The following FSTL5 variants were observed in gnomAD, a reference collection of about 807,000 sequenced individuals.
The protein encoded by FSTL5 is follistatin like 5.
Under a neutral mutation model 89.1 loss-of-function variants are expected in FSTL5, and 62 were observed. The observed-to-expected ratio is 0.70, with a 90% CI of 0.57 to 0.86. The LOEUF is 0.86. Among genes scored for constraint, FSTL5 ranks in the 40% least tolerant of loss-of-function variants. The pLI is 0.00. For synonymous variants in FSTL5, 383 were observed against 346.2 expected, an observed-to-expected ratio of 1.11 and a Z score of -1.18; for missense variants, 1,057 against 1,001.6, an observed-to-expected ratio of 1.06 and a Z score of -0.75.
chr4:161,877,963 T>A (rs892497199), intron 4 of FSTL5, among the ~76,000 whole-genome samples: 1 of 145,948 alleles, frequency 6.9e-6, no homozygotes, highest in Non-Finnish European at 1.5e-5. Flanking sequence ...ACCAATATTC[T>A]GTTTTTTAGG....
At chr4:162,124,844 C>T (rs542458748) in intron 1 of FSTL5, among the ~76,000 whole-genome samples, 63 of 152,260 alleles carry the variant, frequency 4.1e-4, no homozygotes, top group Admixed American at 7.2e-4. Flanking sequence ...GGACTACAGG[C>T]GCCCGCCACC....
At position 162,000,614 on chromosome 4, in the gene FSTL5, AAAC is replaced by A. The variant is rs1050828857; in HGVS notation, c.160+33008_160+33010del. Among the ~76,000 whole-genome samples the A allele has an allele frequency of 2.1e-3, 323 of 151,870 alleles. 1 individual carries two copies. The highest frequency in any genetic ancestry group is 7.3e-3 in the African/African-American group (302 of 41,408). ...CTCAGTCTAAAAAAAAAAAAAACAA[AAAC>A]AACAACAACAACAAAATATATATAC... is the stretch of plus-strand genomic sequence containing the variant. On this transcript the variant is annotated intron_variant, in intron 3 of 15. Transcript: ENST00000306100.
chr4:162,064,546 T>C (rs1738826595), intron 2 of FSTL5, among the ~76,000 whole-genome samples: 1 of 152,046 alleles, frequency 6.6e-6, no homozygotes, highest in Non-Finnish European at 1.5e-5. Context: ...ATATTGGTCT[T>C]TTCCTGCCTT....
chr4:162,041,464 T>C (rs913224704), intron 2 of FSTL5, among the ~76,000 whole-genome samples: 33 of 152,118 alleles, frequency 2.2e-4, no homozygotes, highest in Non-Finnish European at 4.1e-4. Context: ...TCATTAGATT[T>C]ATTAGTAGCC....
chr4:161,887,081 A>C (rs1732830278), intron 4 of FSTL5, among the ~76,000 whole-genome samples: 1 of 152,148 alleles, frequency 6.6e-6, no homozygotes. Context: ...TGTGTAACAA[A>C]TTCTCAAATC....
intron 3 of FSTL5, among the ~76,000 whole-genome samples, chr4:162,029,722 T>A (rs1737444730): frequency 6.6e-6 from 1 of 152,094 alleles, no homozygotes; most frequent in East Asian, 1.9e-4. Flanking sequence ...TCAATATTTG[T>A]AACCACAAGA....
intron 3 of FSTL5, among the ~76,000 whole-genome samples, chr4:161,970,874 T>C (rs989020974): frequency 6.6e-6 from 1 of 152,106 alleles, no homozygotes; most frequent in Non-Finnish European, 1.5e-5. Flanking sequence ...CTGTATCAGT[T>C]ATATTTGAAC....
intron 6 of FSTL5, among the ~76,000 whole-genome samples, chr4:161,669,395 C>T (rs747849904): frequency 7.9e-5 from 12 of 152,062 alleles, no homozygotes; most frequent in Admixed American, 1.3e-4. Context: ...TCAAGAGTTG[C>T]TACAAAGCTA....
At chr4:161,843,716 G>A (rs1265579999) in intron 4 of FSTL5, among the ~76,000 whole-genome samples, 3 of 152,150 alleles carry the variant, frequency 2.0e-5, no homozygotes, top group East Asian at 1.9e-4. Flanking sequence ...TTTAATAAAT[G>A]GTGCTGGGAA....
At chr4:161,821,334 G>GCA (rs1730487127) in intron 4 of FSTL5, among the ~76,000 whole-genome samples, 2 of 152,058 alleles carry the variant, frequency 1.3e-5, no homozygotes, top group Non-Finnish European at 2.9e-5. Context: ...CACTGCACAT[G>GCA]GCCAGAAACA....
At chr4:161,711,020 CTT>C (rs1178135760) in intron 6 of FSTL5, among the ~76,000 whole-genome samples, 1 of 152,042 alleles carries the variant, frequency 6.6e-6, no homozygotes, top group Non-Finnish European at 1.5e-5. Flanking sequence ...GCATATCAAA[CTT>C]ATAAGATGTA....
intron 10 of FSTL5, among the ~76,000 whole-genome samples, chr4:161,526,640 G>C (rs56283602): frequency 5.6e-4 from 86 of 152,292 alleles, no homozygotes; most frequent in African/African-American, 1.9e-3. Flanking sequence ...TTAAGGAAGG[G>C]ATCCAGTTTC....
intron 4 of FSTL5, among the ~76,000 whole-genome samples, chr4:161,862,449 T>C (rs1731947484): frequency 6.6e-6 from 1 of 152,096 alleles, no homozygotes; most frequent in African/African-American, 2.4e-5. Flanking sequence ...TAAGAGAGAA[T>C]GAAGGCCGTG....
chr4:161,829,135 C>A (rs1730759888), intron 4 of FSTL5, among the ~76,000 whole-genome samples: 1 of 53,920 alleles, frequency 1.9e-5, no homozygotes, highest in African/African-American at 6.1e-5. Context: ...GCTTCAGTCA[C>A]ATTTTATATA....
At chr4:161,716,882 T>C (rs1403913364) in intron 6 of FSTL5, among the ~76,000 whole-genome samples, 1 of 152,156 alleles carries the variant, frequency 6.6e-6, no homozygotes, top group African/African-American at 2.4e-5. Flanking sequence ...AACGTTAATT[T>C]TATCCAGGTC....
intron 7 of FSTL5, among the ~76,000 whole-genome samples, chr4:161,614,927 G>GA (rs1734790486): frequency 6.6e-6 from 1 of 152,054 alleles, no homozygotes; most frequent in Non-Finnish European, 1.5e-5. Flanking sequence ...ACCTCAAATA[G>GA]AAAAATTCAT....
At chr4:161,736,243 G>A (rs1001538177) in intron 6 of FSTL5, among the ~76,000 whole-genome samples, 1 of 152,108 alleles carries the variant, frequency 6.6e-6, no homozygotes, top group African/African-American at 2.4e-5. Context: ...CTATTTAGAA[G>A]ATAGTTTACT....
At chr4:161,911,142 C>T (rs970010777) in intron 4 of FSTL5, among the ~76,000 whole-genome samples, 18 of 151,950 alleles carry the variant, frequency 1.2e-4, no homozygotes, top group Admixed American at 2.6e-4. Flanking sequence ...TATGGATTTT[C>T]GAAAGTCATT....
intron 3 of FSTL5, among the ~76,000 whole-genome samples, chr4:162,014,803 A>T (rs893970655): frequency 1.3e-5 from 2 of 152,140 alleles, no homozygotes; most frequent in Admixed American, 1.3e-4. Context: ...GATCCAGAAA[A>T]CTGCTATCTT....
Sources: allele counts gnomAD v4.1 joint callset (sites outside exome capture counted in the v4.1 genomes callset), GRCh38; gene constraint gnomAD v4.1.1; transcripts MANE v1.5; gene names NCBI Gene and HGNC (gene_info 2026-07-23, HGNC 2026-07-21).